ADCY5: variants seen among roughly 807,000 people sequenced by gnomAD.
ADCY5 encodes the protein adenylate cyclase 5.
A neutral mutation model predicts 119.7 loss-of-function variants in ADCY5; 30 were observed. The observed-to-expected ratio is 0.25, with a 90% CI of 0.19 to 0.34. ADCY5 has a LOEUF of 0.34. ADCY5 is among the 10% of genes least tolerant of loss of function. The probability of loss-of-function intolerance (pLI) is 1.00; values close to 1 mark genes in which losing one functional copy is unlikely to be tolerated. For synonymous variants in ADCY5, 753 were observed against 762.2 expected (o/e 0.99, Z 0.20); for missense variants, 1,324 against 1,775.2 (o/e 0.75, Z 4.57).
chr3:123,358,195 T>TGTGTGTATATGTGTGTGA (rs58986112), intron 1 of ADCY5, among the ~76,000 whole-genome samples: 1 of 149,080 alleles, frequency 6.7e-6, no homozygotes, highest in African/African-American at 2.5e-5. Flanking sequence ...TGTGTGTGTG[T>TGTGTGTATATGTGTGTGA]AGGGAGTTGG....
intron 1 of ADCY5, among the ~76,000 whole-genome samples, chr3:123,366,803 T>C (rs1183874409): frequency 2.0e-5 from 3 of 152,164 alleles, no homozygotes; most frequent in African/African-American, 7.2e-5. Flanking sequence ...TCTGGGCAAG[T>C]CACCTTTCCT....
chr3:123,343,409 G>C (rs1463367074), intron 3 of ADCY5, among the ~76,000 whole-genome samples: 1 of 152,156 alleles, frequency 6.6e-6, no homozygotes, highest in African/African-American at 2.4e-5. Flanking sequence ...CTGAGGCTCC[G>C]ATTAGGTGCC....
chr3:123,428,679 G>A (rs940907900), intron 1 of ADCY5, among the ~76,000 whole-genome samples: 6 of 152,194 alleles, frequency 3.9e-5, no homozygotes, highest in Admixed American at 6.5e-5. Flanking sequence ...ACCTGATAAC[G>A]TCAATCTGTT....
chr3:123,331,892 C>G (rs1474245281), intron 4 of ADCY5, among the ~76,000 whole-genome samples: 1 of 152,186 alleles, frequency 6.6e-6, no homozygotes, highest in Admixed American at 6.5e-5. Flanking sequence ...GCACCAGCCT[C>G]TCATCAATAA....
At chr3:123,447,160 A>G (rs546383364) in intron 1 of ADCY5, among the ~76,000 whole-genome samples, 6 of 152,220 alleles carry the variant, frequency 3.9e-5, no homozygotes, top group South Asian at 4.1e-4. Flanking sequence ...TCCCACAGTG[A>G]TGGCTACAGT....
chr3:123,386,992 G>C (rs9856983), intron 1 of ADCY5, among the ~76,000 whole-genome samples: 2 of 151,964 alleles, frequency 1.3e-5, no homozygotes, highest in Non-Finnish European at 2.9e-5. Flanking sequence ...GAAAGTGCTG[G>C]ACCTTCAAGG....
chr3:123,339,820 T>C (rs1299682787), intron 3 of ADCY5, among the ~76,000 whole-genome samples: 1 of 150,992 alleles, frequency 6.6e-6, no homozygotes, highest in African/African-American at 2.4e-5. Context: ...TTAGAAAGTC[T>C]AGAAAGATTT....
intron 6 of ADCY5, among the ~76,000 whole-genome samples, chr3:123,328,353 CTCTG>C (rs1941594349): frequency 6.6e-6 from 1 of 152,200 alleles, no homozygotes; most frequent in Admixed American, 6.5e-5. Context: ...TCCTCCAGAA[CTCTG>C]TCTATCACAC....
intron 7 of ADCY5, among the ~76,000 whole-genome samples, chr3:123,326,085 G>A (rs1941471259): frequency 6.6e-6 from 1 of 152,212 alleles, no homozygotes; most frequent in South Asian, 2.1e-4. Context: ...GGTACCGGAG[G>A]GAGAGGAGAC....
intron 13 of ADCY5, 61 bp downstream of exon 13, chr3:123,304,006 G>T: frequency 8.5e-7 from 1 of 1,177,228 alleles, no homozygotes; most frequent in Non-Finnish European, 1.3e-6. Context: ...CGGGTACATG[G>T]CTCCACTGGG....
chr3:123,343,869 A>G (rs1942397035), intron 3 of ADCY5, among the ~76,000 whole-genome samples: 1 of 152,158 alleles, frequency 6.6e-6, no homozygotes, highest in African/African-American at 2.4e-5. Context: ...GAAAGGCTGA[A>G]ACATTTCCAT....
chr3:123,390,305 C>A (rs1458927405), intron 1 of ADCY5, among the ~76,000 whole-genome samples: 6 of 152,172 alleles, frequency 3.9e-5, no homozygotes, highest in African/African-American at 1.4e-4. Flanking sequence ...TTATAATCCC[C>A]TTGATTGCCC....
chr3:123,328,993 A>G (rs1166831142), intron 5 of ADCY5, among the ~76,000 whole-genome samples, 191 bp from the exon 6 acceptor site: 3 of 152,144 alleles, frequency 2.0e-5, no homozygotes, highest in Non-Finnish European at 4.4e-5. Flanking sequence ...GTCGGCTGTG[A>G]AAGGGGCTGT....
At chr3:123,374,261 G>T (rs1316135218) in intron 1 of ADCY5, among the ~76,000 whole-genome samples, 1 of 152,174 alleles carries the variant, frequency 6.6e-6, no homozygotes, top group Non-Finnish European at 1.5e-5. Flanking sequence ...GGCCACCATA[G>T]CAGGATCAGA....
chr3:123,284,500 C>T lies in ADCY5; in HGVS notation c.*108G>A, dbSNP rs562145440. 2.3e-5 allele frequency: 35 copies of T among 1,507,864 alleles called. No individual in the cohort carries two copies. The East Asian group carries it at 2.7e-4, about 12-fold the overall frequency. 93.4% of individuals were successfully genotyped at this position (1,507,864 alleles called of 1,614,324 possible). The stretch of plus-strand genomic sequence containing the variant: ...GAGTCCAAGTGGAAAATCTCAGCAG[C>T]GCAGCCCTGCGGGCTGGAGCATGGC... On this transcript the variant is annotated 3_prime_UTR_variant, in exon 21 of 21. Transcript: ENST00000462833.
Position 123,319,800 on chromosome 3 carries a change from C to T in ADCY5, c.2130G>A (p.Ala710=), listed in dbSNP as rs371375284. 8.1e-6 allele frequency: 13 copies of T among 1,614,066 alleles called. No homozygotes were observed. In the African/African-American group the frequency reaches 9.3e-5, roughly 12 times the overall value. The change falls in exon 10 of 21, where the codon GCG becomes GCA. Residue 710 remains alanine (A), a synonymous_variant. Transcript: ENST00000462833. The stretch of plus-strand genomic sequence containing the variant: ...ACTCATCCACTTCATCCTCAGGGTT[C>T]GCACTCTCCTGGGCGTTCCTGGGGA... The part of the protein sequence containing the change: ...DPKDKNAQES[A]NPEDEVDEFL...
At chr3:123,363,109 C>T (rs1233606162) in intron 1 of ADCY5, among the ~76,000 whole-genome samples, 1 of 143,404 alleles carries the variant, frequency 7.0e-6, no homozygotes, top group Admixed American at 7.1e-5. Context: ...CATCATTGCA[C>T]TCCAGCCCAG....
At chr3:123,294,672 G>C (rs554770932) in intron 17 of ADCY5, among the ~76,000 whole-genome samples, 12 of 152,308 alleles carry the variant, frequency 7.9e-5, no homozygotes, top group Non-Finnish European at 1.6e-4. Flanking sequence ...GGAACAGCTC[G>C]ATACAGAGGA....
intron 1 of ADCY5, among the ~76,000 whole-genome samples, chr3:123,386,402 C>A (rs1307196442): frequency 6.6e-6 from 1 of 152,202 alleles, no homozygotes; most frequent in African/African-American, 2.4e-5. Context: ...AGAACACTGT[C>A]CTTCATGCTG....
Sources: gnomAD v4.1 joint callset for allele counts (sites outside exome capture counted in the v4.1 genomes callset) on GRCh38, gnomAD v4.1.1 for gene constraint, MANE v1.5 for transcripts, NCBI Gene and HGNC (gene_info 2026-07-23, HGNC 2026-07-21) for gene names.